Variants in TUBGCP3 observed in about 807,000 individuals in gnomAD.
TUBGCP3 encodes the protein tubulin gamma complex component 3, also known as gamma-tubulin complex component 3.
Under a neutral mutation model 123.1 loss-of-function variants are expected in TUBGCP3, and 50 were observed. The observed-to-expected ratio is 0.41, with a 90% CI of 0.32 to 0.51. The LOEUF (loss-of-function observed/expected upper bound fraction) is 0.51, where lower values mean the gene tolerates loss of function less well. TUBGCP3 is among the 20% of genes least tolerant of loss of function. The pLI is 0.36. For synonymous variants in TUBGCP3, 405 were observed against 413.9 expected, an observed-to-expected ratio of 0.98 and a Z score of 0.26; for missense variants, 882 against 1,127.0, an observed-to-expected ratio of 0.78 and a Z score of 3.11.
chr13:112,601,185 T>TAAA, the TUBGCP3 span, among the ~76,000 whole-genome samples: 4 of 86,506 alleles, frequency 4.6e-5, no homozygotes, highest in African/African-American at 1.9e-4. Flanking sequence ...AGATTCTGTC[T>TAAA]AAAAAAAAAA....
intron 11 of TUBGCP3, among the ~76,000 whole-genome samples, chr13:112,535,508 T>C (rs562403966): frequency 6.6e-6 from 1 of 152,354 alleles, no homozygotes; most frequent in African/African-American, 2.4e-5. Flanking sequence ...TGTGAAGTGG[T>C]ATTTAATTGT....
chr13:112,560,002 C>T lies in TUBGCP3; in HGVS notation c.253-603G>A, dbSNP rs1315401537. ...ACACAAAATTAGCCAGGCGTGGTAT[C>T]ACGCACCTGTAGTCCCAGCTACTCG... On this transcript the variant is annotated intron_variant, in intron 3 of 21. Coordinates refer to ENST00000261965, the MANE Select transcript of TUBGCP3 (RefSeq NM_006322.6). Among the ~76,000 whole-genome samples the T allele has an allele frequency of 2.0e-5, 3 of 152,034 alleles. No homozygotes were observed. In the East Asian group the frequency reaches 5.8e-4, roughly 29 times the overall value.
the TUBGCP3 span, among the ~76,000 whole-genome samples, chr13:112,599,761 C>T: frequency 5.3e-3 from 811 of 152,192 alleles, 6 homozygotes; most frequent in African/African-American, 0.018. Flanking sequence ...CCTCGTGATC[C>T]GCCTGCCTTG....
At chr13:112,604,881 C>A in the TUBGCP3 span, 5 of 152,196 alleles carry the variant, frequency 3.3e-5, no homozygotes, top group Non-Finnish European at 7.3e-5. Flanking sequence ...CTATTGAGGG[C>A]CTCCTAATAC....
chr13:112,515,369 G>A (rs559452413), intron 17 of TUBGCP3, among the ~76,000 whole-genome samples: 44 of 152,242 alleles, frequency 2.9e-4, no homozygotes, highest in South Asian at 2.3e-3. Context: ...GCCAGGAACC[G>A]ATCTACCTGG....
At chr13:112,580,458 C>T (rs1882206834) in intron 1 of TUBGCP3, among the ~76,000 whole-genome samples, 1 of 151,514 alleles carries the variant, frequency 6.6e-6, no homozygotes, top group Admixed American at 6.6e-5. Context: ...ACAGCAAGAT[C>T]CTTCTCAAAA....
chr13:112,555,147 A>T (rs111883974), intron 6 of TUBGCP3, 142 bp from the exon 7 acceptor site: 16,942 of 601,626 alleles, frequency 0.028, 329 homozygotes, highest in Admixed American at 0.05. Context: ...AAGATGAAAA[A>T]GAGTATGAGA....
intron 17 of TUBGCP3, 148 bp from the exon 18 acceptor site, chr13:112,504,862 A>C: frequency 3.1e-6 from 2 of 647,690 alleles, no homozygotes; most frequent in Non-Finnish European, 5.5e-6. Flanking sequence ...ACCTCTCCAG[A>C]ACCAATTTCT....
intron 1 of TUBGCP3, among the ~76,000 whole-genome samples, chr13:112,569,526 C>T (rs758007492): frequency 6.6e-5 from 10 of 151,930 alleles, no homozygotes; most frequent in East Asian, 1.9e-4. Context: ...TCAGTAATCA[C>T]GAAAAGAAAA....
At chr13:112,600,687 T>C in the TUBGCP3 span, among the ~76,000 whole-genome samples, 2 of 152,176 alleles carry the variant, frequency 1.3e-5, no homozygotes, top group Non-Finnish European at 2.9e-5. Context: ...AAGGCTTTAC[T>C]ATAAATATCG....
At position 112,519,607 on chromosome 13, in the gene TUBGCP3, G is replaced by A. The variant is rs1876445516; in HGVS notation, c.1881+279C>T. Among the ~76,000 whole-genome samples the A allele has an allele frequency of 6.6e-6, 1 of 152,196 alleles. No individual in the cohort carries two copies. The highest frequency in any genetic ancestry group is 1.9e-4 in the East Asian group (1 of 5,198). On this transcript the variant is annotated intron_variant, in intron 15 of 21. Transcript: ENST00000261965. This position sits in a 1 kb window ranked among gnomAD's most constrained non-coding sequence, Gnocchi z 6.2. The stretch of plus-strand genomic sequence containing the variant: ...TCTGTGATATGCTGCCCAGCACAGG[G>A]CAAGGGTGTCATGCGTTTTCTCCAG...
rs373447891 is a variant in TUBGCP3 at position 112,551,101 on chromosome 13, CA to C, written c.967-2926del. 6.2e-3 allele frequency among the ~76,000 whole-genome samples: 889 copies of C among 142,652 alleles called. 9 individuals are homozygous for C. Among genetic ancestry groups the C allele is most frequent in the African/African-American group, 0.022 (849 of 38,790 alleles). The allele number at this position is 142,652 out of a possible 152,430, so 93.6% of individuals were successfully genotyped here. On this transcript the variant is annotated intron_variant, in intron 8 of 21. Coordinates refer to ENST00000261965, the MANE Select transcript of TUBGCP3 (RefSeq NM_006322.6). ...GTGACAGAGCGAGACGACTCCGTCT[CA>C]AAAAAAAAACAAAAACAAAACCTGC...
intron 6 of TUBGCP3, among the ~76,000 whole-genome samples, chr13:112,555,263 C>T (rs1477386899): frequency 7.9e-5 from 12 of 152,158 alleles, no homozygotes; most frequent in Admixed American, 1.3e-4. Flanking sequence ...AGAGGCTGGA[C>T]GCGGGAGCCA....
chr13:112,506,502 C>A (rs1881317586), intron 17 of TUBGCP3, among the ~76,000 whole-genome samples: 1 of 152,202 alleles, frequency 6.6e-6, no homozygotes, highest in Non-Finnish European at 1.5e-5. Flanking sequence ...AGCTCTAAGA[C>A]CCTCAGAAGA....
chr13:112,588,092 G>C lies in TUBGCP3; in HGVS notation c.-112C>G. 1 of 982,356 alleles carries C rather than the reference G, an allele frequency of 1.0e-6. No individual in the cohort carries two copies. Among genetic ancestry groups the C allele is most frequent in the African/African-American group, 1.7e-5 (1 of 58,736 alleles). The allele number at this position is 982,356 out of a possible 1,614,324, so 60.9% of individuals were successfully genotyped here. On this transcript the variant is annotated 5_prime_UTR_variant, in exon 1 of 22. Transcript: ENST00000261965. The stretch of plus-strand genomic sequence containing the variant: ...CCCCGCAAGCTCCCTGCTCCTGACA[G>C]GCTAAGGCGCGGGCGCCGCCGGCCA...
intron 11 of TUBGCP3, among the ~76,000 whole-genome samples, chr13:112,543,300 C>T (rs113252360): frequency 1.3e-4 from 20 of 152,274 alleles, no homozygotes; most frequent in African/African-American, 4.6e-4. Flanking sequence ...CTCTGAAAAA[C>T]TTGAGGTAAC....
intron 10 of TUBGCP3, 163 bp from the exon 11 acceptor site, chr13:112,546,028 A>C: frequency 4.3e-5 from 29 of 679,198 alleles, no homozygotes; most frequent in East Asian, 8.3e-5. Flanking sequence ...GTAACATGTC[A>C]TGATTCAGAA....
chr13:112,561,542 A>C (rs1365948333), intron 3 of TUBGCP3, among the ~76,000 whole-genome samples: 1 of 152,230 alleles, frequency 6.6e-6, no homozygotes, highest in Non-Finnish European at 1.5e-5. Flanking sequence ...GATGACACTC[A>C]GGTTCTCATG....
At position 112,545,745 on chromosome 13, in the gene TUBGCP3, A is replaced by T; in HGVS notation, c.1289T>A (p.Leu430Gln). ...SLVSHPVLSF[L>Q]YRWIYDGELE... is the part of the protein sequence containing the mutation. Reference sequence around the variant, plus strand: ...CTCCCCATCATATATCCAGCGGTACAGGAAGCTCAAAACAGGATGAGACAC... The same window carrying T: ...CTCCCCATCATATATCCAGCGGTACTGGAAGCTCAAAACAGGATGAGACAC... The change falls in exon 11 of 22, where the codon CTG (leucine) becomes CAG (glutamine). Residue 430 changes from leucine to glutamine, a missense_variant. Physicochemically the swap from Leu to Gln is moderately radical, Grantham distance 113. Around this residue, in one of 3 missense-constraint regions of TUBGCP3, gnomAD observed 713 missense variants for 874.0 expected, o/e 0.82. Coordinates refer to ENST00000261965, the MANE Select transcript of TUBGCP3 (RefSeq NM_006322.6). This position sits in a 1 kb window ranked among gnomAD's most constrained non-coding sequence, Gnocchi z 4.1. The T allele has an allele frequency of 6.2e-7, 1 of 1,614,224 alleles. No individual in the cohort carries two copies. The highest frequency in any genetic ancestry group is 8.5e-7 in the Non-Finnish European group (1 of 1,180,036).
Sources: gnomAD v4.1 joint callset for allele counts (sites outside exome capture counted in the v4.1 genomes callset) on GRCh38, gnomAD v4.1.1 for gene constraint, gnomAD v4.1.1 regional missense constraint, Gnocchi (gnomAD v3.1) non-coding constraint, MANE v1.5 for transcripts, NCBI Gene and HGNC (gene_info 2026-07-23, HGNC 2026-07-21) for gene names.